The following CCDC77 variants were observed in gnomAD, a reference collection of about 807,000 sequenced individuals.
CCDC77 encodes the protein coiled-coil domain-containing protein 77.
CCDC77 carries 56 observed loss-of-function variants against 66.8 expected under a neutral mutation model. The observed-to-expected ratio is 0.84, with a 90% CI of 0.68 to 1.05. The LOEUF (loss-of-function observed/expected upper bound fraction) is 1.05. Among genes scored for constraint, CCDC77 ranks in the 50% least tolerant of loss-of-function variants. The probability of loss-of-function intolerance (pLI) is 0.00; values close to 1 mark genes in which losing one functional copy is unlikely to be tolerated. For missense variants in CCDC77, 570 were observed against 576.8 expected (o/e 0.99, Z 0.12); for synonymous variants, 196 against 195.2 (o/e 1.00, Z -0.03).
At chr12:389,676 C>T (rs984657174) in intron 1 of CCDC77, 38 of 190,198 alleles carry the variant, frequency 2.0e-4, no homozygotes, top group Non-Finnish European at 3.2e-4. Context: ...AGGAGGGTCC[C>T]TTTCCCTTTT....
At chr12:399,254 C>G (rs1944866601), upstream of CCDC77, among the ~76,000 whole-genome samples, 1 of 152,058 alleles carries the variant, frequency 6.6e-6, no homozygotes. Context: ...TCACTGAAAC[C>G]TCCGCCTCCC....
intron 4 of CCDC77, among the ~76,000 whole-genome samples, chr12:416,807 T>C (rs1284027918): frequency 6.6e-6 from 1 of 152,084 alleles, no homozygotes; most frequent in Non-Finnish European, 1.5e-5. Context: ...TTTCTATGAA[T>C]TAGAAATAGA....
intron 1 of CCDC77, among the ~76,000 whole-genome samples, chr12:394,083 A>T (rs1944796210): frequency 6.6e-6 from 1 of 152,198 alleles, no homozygotes; most frequent in East Asian, 1.9e-4. Flanking sequence ...AAATTTTATT[A>T]TTGCCAACAA....
At position 441,840 on chromosome 12, in the gene CCDC77, C is replaced by T. The variant is rs1003330959; in HGVS notation, c.1387C>T (p.Arg463Trp). ...LLCEVRDSNR[R>W]AHKIQGELKN... ...GTGTGAGGTCCGTGACAGCAATAGA[C>T]GGGCACATAAGATACAAGGAGAACT... The change falls in exon 13 of 13, where the codon CGG (arginine) becomes TGG (tryptophan). Residue 463 changes from arginine to tryptophan, a missense_variant. By Grantham distance (101) the Arg-to-Trp change is moderately radical (BLOSUM62 -3). Transcript: ENST00000239830. 47 of 1,612,674 alleles carry T rather than the reference C, an allele frequency of 2.9e-5. No individual in the cohort carries two copies. The Admixed American group carries it at 4.8e-4, about 17-fold the overall frequency.
intron 1 of CCDC77, among the ~76,000 whole-genome samples, chr12:395,686 G>C (rs927145894): frequency 1.3e-5 from 2 of 152,158 alleles, no homozygotes; most frequent in Non-Finnish European, 2.9e-5. Context: ...TTGAGGTCAG[G>C]AGTTCGACAC....
rs928388256 is a variant in CCDC77 at position 442,500 on chromosome 12, G to A, written c.*580G>A. On this transcript the variant is annotated 3_prime_UTR_variant, in exon 13 of 13. Coordinates refer to ENST00000239830, the MANE Select transcript of CCDC77 (RefSeq NM_032358.4). ...CTCAAACGAAATGTCCATCTGGAAAGATTCGGGAGACACTTTGCCGAGGGG... is the reference window on the plus strand; with the variant it reads ...CTCAAACGAAATGTCCATCTGGAAAAATTCGGGAGACACTTTGCCGAGGGG... 2 of 152,232 alleles carry A rather than the reference G, an allele frequency of 1.3e-5. No individual in the cohort carries two copies. Among genetic ancestry groups the A allele is most frequent in the African/African-American group, 4.8e-5 (2 of 41,438 alleles). 9.4% of individuals were successfully genotyped at this position (152,232 alleles called of 1,614,324 possible). A position where few individuals can be genotyped will look rare whatever the true frequency, so the allele number is the denominator to read the frequency against.
chr12:418,379 G>T, intron 4 of CCDC77, 115 bp from the exon 5 acceptor site: 1 of 1,047,834 alleles, frequency 9.5e-7, no homozygotes, highest in Non-Finnish European at 1.4e-6. Context: ...ATTCTGTATT[G>T]GCAAAATTAT....
intron 5 of CCDC77, among the ~76,000 whole-genome samples, chr12:424,484 A>G (rs144778395): frequency 1.4e-3 from 198 of 146,650 alleles, no homozygotes; most frequent in African/African-American, 4.8e-3. Flanking sequence ...TGGCTAATTT[A>G]TTTTCTTTTT....
intron 2 of CCDC77, among the ~76,000 whole-genome samples, chr12:406,124 G>T (rs1484919279): frequency 6.6e-6 from 1 of 152,136 alleles, no homozygotes; most frequent in East Asian, 1.9e-4. Flanking sequence ...TGCCCAGGCT[G>T]GTCTCAAACT....
intron 1 of CCDC77, among the ~76,000 whole-genome samples, chr12:403,504 A>AT (rs1449990583): frequency 1.3e-5 from 2 of 152,218 alleles, no homozygotes; most frequent in East Asian, 3.9e-4. Flanking sequence ...TTTTATTATT[A>AT]TTTTTTCCAG....
In CCDC77 at chr12:438,491, T is replaced by C; in HGVS notation, c.978T>C (p.Asp326=). The C allele has an allele frequency of 6.2e-7, 1 of 1,614,072 alleles. No individual in the cohort carries two copies. The highest frequency in any genetic ancestry group is 8.5e-7 in the Non-Finnish European group (1 of 1,179,954). The change falls in exon 10 of 13, where the codon GAT becomes GAC. Residue 326 remains aspartate, a synonymous_variant. Transcript: ENST00000239830. ...QYRVQCKKKE[D]KIGKVLPVMH... is the part of the protein sequence containing the mutation. Reference sequence around the variant, plus strand: ...GGGTGCAGTGTAAGAAGAAAGAAGATAAAATTGGAAAAGTGTTGCCCGTTA... The same window carrying C: ...GGGTGCAGTGTAAGAAGAAAGAAGACAAAATTGGAAAAGTGTTGCCCGTTA...
At chr12:389,570 GCAAC>G (rs1565557534) in intron 1 of CCDC77, 8 of 238,146 alleles carry the variant, frequency 3.4e-5, no homozygotes, top group Non-Finnish European at 6.8e-5. Flanking sequence ...GGGGCGAGGC[GCAAC>G]GAGGCGGGGC....
Position 440,957 on chromosome 12 carries a change from C to T in CCDC77, c.1281C>T (p.Leu427=). Residue 427 remains leucine, a synonymous_variant, in exon 12 of 13, where the codon CTC becomes CTT. Coordinates refer to ENST00000239830, the MANE Select transcript of CCDC77 (RefSeq NM_032358.4). ...GCTTTAAGACAGATATTAAAGTTCT[C>T]CGACAGAAACTGAAAGACTTGGAGC... ...VEGFKTDIKV[L]RQKLKDLEQM... The T allele has an allele frequency of 6.2e-7, 1 of 1,612,992 alleles. No individual in the cohort carries two copies. The highest frequency in any genetic ancestry group is 8.5e-7 in the Non-Finnish European group (1 of 1,180,016).
intron 5 of CCDC77, among the ~76,000 whole-genome samples, chr12:427,044 A>C (rs1215532079): frequency 6.6e-6 from 1 of 152,134 alleles, no homozygotes; most frequent in Non-Finnish European, 1.5e-5. Context: ...CAGGAGTTCA[A>C]GACCAGCCTG....
At chr12:433,484 G>A (rs935138627) in intron 9 of CCDC77, 162 bp downstream of exon 9, 63 of 1,403,546 alleles carry the variant, frequency 4.5e-5, no homozygotes, top group East Asian at 5.2e-5. Flanking sequence ...TGAGTACCTC[G>A]CTTTTCCAGG....
At chr12:402,682 T>A (rs574478817) in intron 1 of CCDC77, among the ~76,000 whole-genome samples, 13 of 152,358 alleles carry the variant, frequency 8.5e-5, no homozygotes, top group Non-Finnish European at 1.9e-4. Context: ...TACTGATGTA[T>A]TTTATTAAAG....
At chr12:409,566 G>A in intron 3 of CCDC77, 145 bp downstream of exon 3, 1 of 711,232 alleles carries the variant, frequency 1.4e-6, no homozygotes, top group Non-Finnish European at 2.4e-6. Context: ...GCCCAGGATG[G>A]GGTGCAGTGG....
intron 5 of CCDC77, among the ~76,000 whole-genome samples, chr12:424,158 T>A (rs1565572582): frequency 6.6e-6 from 1 of 150,714 alleles, no homozygotes; most frequent in African/African-American, 2.4e-5. Context: ...TTTGGTAGAG[T>A]CAGAGTTTCG....
intron 4 of CCDC77, among the ~76,000 whole-genome samples, chr12:413,189 C>CG: frequency 6.6e-6 from 1 of 151,308 alleles, no homozygotes; most frequent in Non-Finnish European, 1.5e-5. Context: ...CTGCCCACCT[C>CG]GGCCTCCCAA....
Sources: allele counts gnomAD v4.1 joint callset (sites outside exome capture counted in the v4.1 genomes callset), GRCh38; gene constraint gnomAD v4.1.1; transcripts MANE v1.5; gene names NCBI Gene and HGNC (gene_info 2026-07-23, HGNC 2026-07-21).